VEPH1: variants seen among roughly 807,000 people sequenced by gnomAD.
The protein encoded by VEPH1 is ventricular zone expressed PH domain containing 1.
Under a neutral mutation model 85.2 loss-of-function variants are expected in VEPH1, and 80 were observed. That is an observed-to-expected ratio of 0.94 (90% CI 0.78 to 1.13). The LOEUF (loss-of-function observed/expected upper bound fraction) is 1.13, where lower values mean the gene tolerates loss of function less well. Ranked by LOEUF, VEPH1 falls within the 50% of genes most tolerant of loss-of-function variation. The pLI, the probability that VEPH1 is intolerant of heterozygous loss-of-function variation, is 0.00. For missense variants in VEPH1, 955 were observed against 980.5 expected, an observed-to-expected ratio of 0.97 and a Z score of 0.35; for synonymous variants, 297 against 348.0, an observed-to-expected ratio of 0.85 and a Z score of 1.63.
intron 11 of VEPH1, among the ~76,000 whole-genome samples, chr3:157,311,346 T>C (rs1720087631): frequency 1.3e-5 from 2 of 152,330 alleles, no homozygotes; most frequent in South Asian, 4.1e-4. Context: ...CTGCAGCCGA[T>C]ACACACATGG....
chr3:157,473,091 T>C (rs1306880751), intron 2 of VEPH1, among the ~76,000 whole-genome samples: 5 of 142,738 alleles, frequency 3.5e-5, no homozygotes, highest in Non-Finnish European at 6.0e-5. Context: ...TTTTTTTTTT[T>C]TGATGGAGTC....
At chr3:157,372,705 A>G (rs927069419) in intron 7 of VEPH1, among the ~76,000 whole-genome samples, 1 of 152,202 alleles carries the variant, frequency 6.6e-6, no homozygotes, top group Non-Finnish European at 1.5e-5. Flanking sequence ...TCACTGTAGT[A>G]AAGAACTATT....
chr3:157,316,918 C>G, intron 10 of VEPH1, 144 bp downstream of exon 10: 1 of 744,666 alleles, frequency 1.3e-6, no homozygotes, highest in Middle Eastern at 2.9e-4. Flanking sequence ...TATAAAAAAC[C>G]GAGGTTAAAG....
intron 12 of VEPH1, among the ~76,000 whole-genome samples, chr3:157,274,198 A>G (rs1715088984): frequency 6.6e-6 from 1 of 152,242 alleles, no homozygotes; most frequent in Non-Finnish European, 1.5e-5. Flanking sequence ...ACAACAGTTG[A>G]CAGTGGCCTT....
intron 12 of VEPH1, among the ~76,000 whole-genome samples, chr3:157,266,444 G>C (rs1362837841): frequency 6.6e-6 from 1 of 151,966 alleles, no homozygotes; most frequent in Non-Finnish European, 1.5e-5. Flanking sequence ...CATGGCACAT[G>C]GCATGTTTCT....
chr3:157,428,308 A>G lies in VEPH1; in HGVS notation c.696+14T>C. The G allele has an allele frequency of 6.2e-7, 1 of 1,613,962 alleles. No homozygotes were observed. Among genetic ancestry groups the G allele is most frequent in the African/African-American group, 1.3e-5 (1 of 75,058 alleles). On this transcript the variant is annotated intron_variant, in intron 5 of 13. Coordinates refer to ENST00000362010, the MANE Select transcript of VEPH1 (RefSeq NM_001167912.2). ...TGGTTGTGTGCACCATGACATATAC[A>G]ATGTACTTTTTACCTCGAGTTGTTT...
chr3:157,369,921 T>TGGGGGCA (rs769218079), intron 7 of VEPH1, among the ~76,000 whole-genome samples: 46 of 152,226 alleles, frequency 3.0e-4, no homozygotes, highest in Non-Finnish European at 6.2e-4. Flanking sequence ...CATAGAGTGG[T>TGGGGGCA]GGGGGCAGGG....
Position 157,438,033 on chromosome 3 carries a change from GCGCGCACACACA to G in VEPH1, c.530-9557_530-9546del, listed in dbSNP as rs1249429788. ...GCTTTCATGGGAAGCGCGCGCGCGC[GCGCGCACACACA>G]CACACACACACACACACACACACAC... On this transcript the variant is annotated intron_variant, in intron 4 of 13. Transcript: ENST00000362010. The G allele has an allele frequency of 8.2e-5, 65 of 794,056 alleles. No individual in the cohort carries two copies. The African/African-American group carries it at 1.2e-3, about 14-fold the overall frequency. The allele number at this position is 794,056 out of a possible 1,614,324, so 49.2% of individuals were successfully genotyped here.
At chr3:157,413,370 A>T in intron 6 of VEPH1, 1 of 700,850 alleles carries the variant, frequency 1.4e-6, no homozygotes, top group Non-Finnish European at 1.8e-6. Flanking sequence ...GACTGAAAAC[A>T]TTCTGAACCC....
intron 5 of VEPH1, among the ~76,000 whole-genome samples, chr3:157,419,487 C>T (rs1732170345): frequency 6.6e-6 from 1 of 152,014 alleles, no homozygotes; most frequent in Non-Finnish European, 1.5e-5. Flanking sequence ...AACAAACAAA[C>T]ATCCCCATTA....
intron 2 of VEPH1, chr3:157,493,209 C>T (rs1439604260): frequency 2.2e-6 from 1 of 455,534 alleles, no homozygotes; most frequent in Non-Finnish European, 4.4e-6. Flanking sequence ...ATTGCAAGTG[C>T]AGGAGAAGCC....
At chr3:157,297,380 C>T (rs184815368) in intron 11 of VEPH1, among the ~76,000 whole-genome samples, 7 of 152,062 alleles carry the variant, frequency 4.6e-5, no homozygotes, top group Admixed American at 2.0e-4. Flanking sequence ...AGATGTAATG[C>T]GACGTGGACA....
chr3:157,458,210 C>T (rs1280006817), intron 4 of VEPH1, among the ~76,000 whole-genome samples: 4 of 152,192 alleles, frequency 2.6e-5, no homozygotes, highest in South Asian at 4.2e-4. Context: ...ATAGTAATAT[C>T]ACCTTGTTGT....
chr3:157,413,678 T>C (rs751754638), intron 6 of VEPH1: 29 of 983,238 alleles, frequency 2.9e-5, no homozygotes, highest in Non-Finnish European at 3.3e-5. Context: ...GAAAGAGAAA[T>C]TGGGACTCCC....
chr3:157,337,579 A>G (rs1559970255), intron 9 of VEPH1, among the ~76,000 whole-genome samples: 1 of 152,246 alleles, frequency 6.6e-6, no homozygotes. Context: ...TGGTAAAATG[A>G]TAAGATTAAG....
At chr3:157,429,849 T>C (rs1008045521) in intron 4 of VEPH1, among the ~76,000 whole-genome samples, 2 of 152,224 alleles carry the variant, frequency 1.3e-5, no homozygotes, top group Admixed American at 6.5e-5. Flanking sequence ...TAAAAGGGAC[T>C]GTAGTTGCAG....
At chr3:157,383,533 T>C (rs183425776) in intron 6 of VEPH1, among the ~76,000 whole-genome samples, 148 of 152,340 alleles carry the variant, frequency 9.7e-4, no homozygotes, top group African/African-American at 3.4e-3. Context: ...ACAGAACAAA[T>C]TTAAGTAGTG....
intron 3 of VEPH1, among the ~76,000 whole-genome samples, chr3:157,461,980 A>G (rs138347095): frequency 4.8e-4 from 72 of 151,196 alleles, no homozygotes; most frequent in African/African-American, 1.6e-3. Flanking sequence ...AGATAATCCA[A>G]AGAGTGAAAG....
rs550407734 is a variant in VEPH1 at position 157,270,889 on chromosome 3, G to A, written c.2129-5227C>T. Among the ~76,000 whole-genome samples the A allele has an allele frequency of 3.9e-5, 6 of 152,112 alleles. No individual in the cohort carries two copies. The East Asian group carries it at 1.2e-3, about 29-fold the overall frequency. On this transcript the variant is annotated intron_variant, in intron 12 of 13. Coordinates refer to ENST00000362010, the MANE Select transcript of VEPH1 (RefSeq NM_001167912.2). ...CAAGCCACATGTTACAGCATTTGAAGAGCAGAAATTCCACTTCTAGTTGAG... is the reference window on the plus strand; with the variant it reads ...CAAGCCACATGTTACAGCATTTGAAAAGCAGAAATTCCACTTCTAGTTGAG...
Sources: allele counts gnomAD v4.1 joint callset (sites outside exome capture counted in the v4.1 genomes callset), GRCh38; gene constraint gnomAD v4.1.1; transcripts MANE v1.5; gene names NCBI Gene and HGNC (gene_info 2026-07-23, HGNC 2026-07-21).